Variants in TLK2 observed in about 807,000 individuals in gnomAD.
The protein encoded by TLK2 is serine/threonine-protein kinase tousled-like 2.
Under a neutral mutation model 117.3 loss-of-function variants are expected in TLK2, and 6 were observed. The observed-to-expected ratio is 0.05, with a 90% CI of 0.03 to 0.10. The LOEUF is 0.10. TLK2 is among the 10% of genes least tolerant of loss of function. TLK2 has a pLI of 1.00. For missense variants in TLK2, 299 were observed against 901.2 expected (o/e 0.33, Z 8.56); for synonymous variants, 257 against 316.7 (o/e 0.81, Z 2.00).
Position 62,602,154 on chromosome 17 carries a change from A to G in TLK2, c.1833A>G (p.Leu611=), listed in dbSNP as rs1448352918. 1 of 1,613,880 alleles carries G rather than the reference A, an allele frequency of 6.2e-7. No homozygotes were observed. Among genetic ancestry groups the G allele is most frequent in the East Asian group, 2.2e-5 (1 of 44,882 alleles). ...DSYNSVDGME[L]TSQGAGTYWY... ...ACAATTCAGTGGATGGCATGGAGCT[A>G]ACATCACAAGGTGCTGGTACTTATT... The change falls in exon 19 of 22, where the codon CTA becomes CTG. Residue 611 remains leucine, a synonymous_variant. Transcript: ENST00000346027.
rs2072426113 is a variant in TLK2, at chr17:62,486,632, G to T, written c.81+5426G>T. Among the ~76,000 whole-genome samples the T allele has an allele frequency of 2.0e-5, 3 of 152,178 alleles. No homozygotes were observed. In the South Asian group the frequency reaches 6.2e-4, roughly 32 times the overall value. On this transcript the variant is annotated intron_variant, in intron 2 of 21. Coordinates refer to ENST00000346027, the MANE Select transcript of TLK2 (RefSeq NM_006852.6). ...AGTACAGATAGTCTCAGCAGTTCTG[G>T]AGACCATGTAAAGTAGGCAGAATTT...
intron 19 of TLK2, among the ~76,000 whole-genome samples, chr17:62,603,484 A>G (rs1403720443): frequency 1.3e-5 from 2 of 152,108 alleles, no homozygotes; most frequent in East Asian, 1.9e-4. Flanking sequence ...TACCTCTGCT[A>G]TATAAATTCA....
chr17:62,581,257 C>T (rs1237232873), intron 15 of TLK2, among the ~76,000 whole-genome samples: 2 of 152,138 alleles, frequency 1.3e-5, no homozygotes, highest in African/African-American at 4.8e-5. Context: ...CCTGCCTTGG[C>T]CTCCCAGGGT....
At chr17:62,535,191 T>G (rs1015123122) in intron 6 of TLK2, among the ~76,000 whole-genome samples, 9 of 152,098 alleles carry the variant, frequency 5.9e-5, no homozygotes, top group Non-Finnish European at 1.5e-5. Flanking sequence ...CCTTGCCAAT[T>G]CCAGTCTTTT....
chr17:62,516,123 T>C (rs1013168566), intron 2 of TLK2, among the ~76,000 whole-genome samples: 6 of 151,958 alleles, frequency 3.9e-5, no homozygotes, highest in Non-Finnish European at 8.8e-5. Context: ...TGGAATTTCA[T>C]CATGTTGGCC....
chr17:62,606,026 ACG>A, intron 19 of TLK2, 102 bp from the exon 20 acceptor site: 3 of 407,300 alleles, frequency 7.4e-6, no homozygotes, highest in African/African-American at 2.1e-5. Flanking sequence ...AAAAAAAAAA[ACG>A]ATATTTCTAT....
At chr17:62,558,027 G>T (rs375898673) in intron 9 of TLK2, among the ~76,000 whole-genome samples, 1 of 152,260 alleles carries the variant, frequency 6.6e-6, no homozygotes, top group East Asian at 1.9e-4. Flanking sequence ...GCTTCTAGAA[G>T]ATCTAGAGGA....
chr17:62,564,881 G>T, intron 10 of TLK2, 120 bp from the exon 11 acceptor site: 1 of 1,285,890 alleles, frequency 7.8e-7, no homozygotes. Flanking sequence ...TGACTGTTCT[G>T]AGAAGTGTAT....
intron 21 of TLK2, 134 bp from the exon 22 acceptor site, chr17:62,612,258 C>T (rs1239067821): frequency 3.3e-6 from 3 of 899,346 alleles, no homozygotes; most frequent in African/African-American, 3.4e-5. Context: ...CTGGTGATTT[C>T]TGAGGAAGGC....
At position 62,576,966 on chromosome 17, in the gene TLK2, C is replaced by CT. The variant is rs59523807; in HGVS notation, c.1188+205dup. On this transcript the variant is annotated intron_variant, in intron 13 of 21. Coordinates refer to ENST00000346027, the MANE Select transcript of TLK2 (RefSeq NM_006852.6). ...ATATTTTTCCATTTTCTTTCTTCTTCTTTTTTTTTTTTTTGAGTTGGAGTC... is the reference window on the plus strand; with the variant it reads ...ATATTTTTCCATTTTCTTTCTTCTTCTTTTTTTTTTTTTTTGAGTTGGAGTC... Among the ~76,000 whole-genome samples, 147 of 115,918 alleles carry CT rather than the reference C, an allele frequency of 1.3e-3. 5 individuals carry two copies. The highest frequency in any genetic ancestry group is 5.2e-3 in the Middle Eastern group (1 of 192). The allele number at this position is 115,918 out of a possible 152,430, so 76.0% of individuals were successfully genotyped here. A position where few individuals can be genotyped will look rare whatever the true frequency, so the allele number is the denominator to read the frequency against.
intron 2 of TLK2, among the ~76,000 whole-genome samples, chr17:62,489,830 CTTTATT>C (rs1055793960): frequency 6.6e-6 from 1 of 151,994 alleles, no homozygotes; most frequent in Non-Finnish European, 1.5e-5. Context: ...CCATTGGGCT[CTTTATT>C]TTTATTTTTA....
rs147356127 is a variant in TLK2 at position 62,517,147 on chromosome 17, C to T, written c.82-3626C>T. On this transcript the variant is annotated intron_variant, in intron 2 of 21. Transcript: ENST00000346027. Reference sequence around the variant, plus strand: ...CTCAAACTCCTGACCTCAAGTGATCCGCCTGCCTCACCCTCCCAAAGTGCT... The same window carrying T: ...CTCAAACTCCTGACCTCAAGTGATCTGCCTGCCTCACCCTCCCAAAGTGCT... 2.3e-3 allele frequency among the ~76,000 whole-genome samples: 344 copies of T among 151,966 alleles called. 1 individual carries two copies. Among genetic ancestry groups the T allele is most frequent in the African/African-American group, 7.9e-3 (327 of 41,510 alleles).
At chr17:62,519,178 C>T (rs1444987801) in intron 2 of TLK2, among the ~76,000 whole-genome samples, 1 of 152,176 alleles carries the variant, frequency 6.6e-6, no homozygotes, top group Admixed American at 6.5e-5. Context: ...AGCCACTGCT[C>T]CCAGCCTGTT....
chr17:62,555,468 TTTATA>T (rs1391001176), intron 9 of TLK2, among the ~76,000 whole-genome samples: 1 of 151,520 alleles, frequency 6.6e-6, no homozygotes, highest in Non-Finnish European at 1.5e-5. Flanking sequence ...GTCTGGTGTG[TTTATA>T]TTATTATTAA....
intron 14 of TLK2, 71 bp from the exon 15 acceptor site, chr17:62,580,040 C>G (rs2081096455): frequency 8.2e-7 from 1 of 1,220,654 alleles, no homozygotes; most frequent in East Asian, 2.4e-5. Flanking sequence ...GTTAGATATT[C>G]TGGGAATTTT....
chr17:62,557,645 G>A (rs1042810863), intron 9 of TLK2, among the ~76,000 whole-genome samples: 2 of 152,090 alleles, frequency 1.3e-5, no homozygotes, highest in Admixed American at 1.3e-4. Flanking sequence ...ATAATGAAAT[G>A]GTTTGTGGGT....
At chr17:62,549,532 T>C (rs2078272797) in intron 7 of TLK2, among the ~76,000 whole-genome samples, 1 of 151,138 alleles carries the variant, frequency 6.6e-6, no homozygotes, top group Non-Finnish European at 1.5e-5. Flanking sequence ...CCTAGTGCAT[T>C]ATAATACTTG....
intron 2 of TLK2, among the ~76,000 whole-genome samples, chr17:62,504,524 C>A (rs1188053280): frequency 6.6e-6 from 1 of 152,122 alleles, no homozygotes; most frequent in Non-Finnish European, 1.5e-5. Context: ...ATTTTTTAGG[C>A]AGGGCATGGT....
intron 6 of TLK2, among the ~76,000 whole-genome samples, chr17:62,527,845 C>T (rs771501118): frequency 2.6e-5 from 4 of 151,878 alleles, no homozygotes; most frequent in African/African-American, 4.8e-5. Flanking sequence ...CAGTTTCAAG[C>T]GATTCTCCTG....
Sources: allele counts gnomAD v4.1 joint callset (sites outside exome capture counted in the v4.1 genomes callset), GRCh38; gene constraint gnomAD v4.1.1; transcripts MANE v1.5; gene names NCBI Gene and HGNC (gene_info 2026-07-23, HGNC 2026-07-21).